TUBGCP3: variants seen among roughly 807,000 people sequenced by gnomAD.
TUBGCP3 encodes tubulin gamma complex component 3.
TUBGCP3 carries 50 observed loss-of-function variants against 123.1 expected under a neutral mutation model. The ratio of observed to expected loss-of-function variants is 0.41; its 90% CI spans 0.32 to 0.51. The LOEUF is 0.51. Ranked by LOEUF, TUBGCP3 falls within the 20% of genes least tolerant of loss-of-function variation. The probability of loss-of-function intolerance (pLI) is 0.36; values close to 1 mark genes in which losing one functional copy is unlikely to be tolerated. For missense variants in TUBGCP3, 882 were observed against 1,127.0 expected, an observed-to-expected ratio of 0.78 and a Z score of 3.11; for synonymous variants, 405 against 413.9, an observed-to-expected ratio of 0.98 and a Z score of 0.26.
At chr13:112,502,491 G>A (rs1880982244) in intron 19 of TUBGCP3, among the ~76,000 whole-genome samples, 1 of 151,950 alleles carries the variant, frequency 6.6e-6, no homozygotes, top group South Asian at 2.1e-4. Flanking sequence ...ACAAGACCAG[G>A]GTTAGTAATA....
chr13:112,505,110 A>C (rs1396443059), intron 17 of TUBGCP3, among the ~76,000 whole-genome samples: 1 of 152,112 alleles, frequency 6.6e-6, no homozygotes, highest in African/African-American at 2.4e-5. Context: ...GGCTCTCTGG[A>C]GATAAAGGTG....
intron 8 of TUBGCP3, among the ~76,000 whole-genome samples, chr13:112,548,886 G>A (rs1414070208): frequency 6.6e-6 from 1 of 152,210 alleles, no homozygotes; most frequent in East Asian, 1.9e-4. Context: ...CACTGTTGGT[G>A]GGACTGTAAA....
chr13:112,537,057 G>A (rs1043702318), intron 11 of TUBGCP3, among the ~76,000 whole-genome samples: 2 of 150,634 alleles, frequency 1.3e-5, no homozygotes, highest in African/African-American at 4.9e-5. Context: ...TTACAGCTGT[G>A]AGCCACTGCA....
chr13:112,546,745 C>T (rs1369983170), intron 10 of TUBGCP3: 3 of 152,254 alleles, frequency 2.0e-5, no homozygotes, highest in Non-Finnish European at 2.9e-5. Context: ...GATCCAGTTC[C>T]GGAGAGGTGC....
At chr13:112,487,626 A>C (rs1352658965) in intron 21 of TUBGCP3, among the ~76,000 whole-genome samples, 1 of 152,192 alleles carries the variant, frequency 6.6e-6, no homozygotes, top group Non-Finnish European at 1.5e-5. Flanking sequence ...AAGAAACAGG[A>C]ATACATACTG....
intron 13 of TUBGCP3, among the ~76,000 whole-genome samples, chr13:112,526,235 C>T (rs1444923835): frequency 2.1e-5 from 3 of 144,598 alleles, no homozygotes; most frequent in Non-Finnish European, 3.1e-5. Context: ...CCATCCCCAT[C>T]ATTATCACTA....
chr13:112,488,051 G>A (rs1460999273), intron 21 of TUBGCP3, among the ~76,000 whole-genome samples: 2 of 149,262 alleles, frequency 1.3e-5, no homozygotes, highest in East Asian at 4.0e-4. Context: ...AGCATCGTTT[G>A]AACCCAGGAG....
At chr13:112,564,016 T>A (rs1021658616) in intron 3 of TUBGCP3, among the ~76,000 whole-genome samples, 1 of 152,084 alleles carries the variant, frequency 6.6e-6, no homozygotes, top group African/African-American at 2.4e-5. Context: ...AATAAGCAAA[T>A]CTTTTTAACA....
At chr13:112,538,204 G>T (rs1878226563) in intron 11 of TUBGCP3, among the ~76,000 whole-genome samples, 1 of 152,110 alleles carries the variant, frequency 6.6e-6, no homozygotes, top group Admixed American at 6.5e-5. Context: ...CAAGCATCTT[G>T]GACACCAGCA....
intron 13 of TUBGCP3, among the ~76,000 whole-genome samples, chr13:112,525,973 T>C (rs2139084935): frequency 6.6e-6 from 1 of 152,202 alleles, no homozygotes; most frequent in South Asian, 2.1e-4. Flanking sequence ...TATCAGAGAG[T>C]AATTCTAATA....
At chr13:112,493,925 G>A (rs552352095) in intron 20 of TUBGCP3, among the ~76,000 whole-genome samples, 89 of 150,390 alleles carry the variant, frequency 5.9e-4, no homozygotes, top group African/African-American at 1.8e-3. Context: ...TTCTGGCTAT[G>A]GGAACATGGC....
chr13:112,549,334 T>A (rs1016605314), intron 8 of TUBGCP3, among the ~76,000 whole-genome samples: 1 of 92,964 alleles, frequency 1.1e-5, no homozygotes, highest in Non-Finnish European at 2.1e-5. Flanking sequence ...GGGCCTGTTG[T>A]GGGGTGGGGG....
chr13:112,543,157 A>C (rs1463616277), intron 11 of TUBGCP3, among the ~76,000 whole-genome samples: 1 of 152,236 alleles, frequency 6.6e-6, no homozygotes, highest in African/African-American at 2.4e-5. Flanking sequence ...CTCAAAAAAA[A>C]AGAGTGTGGC....
intron 21 of TUBGCP3, among the ~76,000 whole-genome samples, chr13:112,487,053 A>ATGTGTGTGTGTGTGTG (rs10522089): frequency 1.5e-4 from 22 of 147,506 alleles, no homozygotes; most frequent in African/African-American, 4.0e-4. Context: ...AACACTGTGT[A>ATGTGTGTGTGTGTGTG]TGTGTGTGTG....
upstream of TUBGCP3, among the ~76,000 whole-genome samples, chr13:112,592,664 C>A (rs1882902292): frequency 6.6e-6 from 1 of 152,142 alleles, no homozygotes; most frequent in South Asian, 2.1e-4. The surrounding 1 kb of genome is among the most constrained non-coding windows in gnomAD (Gnocchi z 4.1). Context: ...TCTTCCAGGC[C>A]CCCTGAAAAG....
At chr13:112,576,220 AGGCCTCAAATTGGAAAAACT>A (rs538504513) in intron 1 of TUBGCP3, among the ~76,000 whole-genome samples, 110 of 152,342 alleles carry the variant, frequency 7.2e-4, no homozygotes, top group Non-Finnish European at 1.2e-3. Flanking sequence ...AGGTCAGAAC[AGGCCTCAAATTGGAAAAACT>A]GCTACTCCTT....
At chr13:112,604,342 G>T in the TUBGCP3 span, 23,071 of 152,224 alleles carry the variant, frequency 0.15, 2,040 homozygotes, top group East Asian at 0.21. Flanking sequence ...CTGTCATCCA[G>T]GCTGGAGTGC....
At chr13:112,507,389 C>T (rs1021522431) in intron 17 of TUBGCP3, among the ~76,000 whole-genome samples, 4 of 152,212 alleles carry the variant, frequency 2.6e-5, no homozygotes, top group South Asian at 2.1e-4. Context: ...TCATCCTGAC[C>T]TCCTTCAGAG....
At chr13:112,586,203 G>C (rs1361409351) in intron 1 of TUBGCP3, among the ~76,000 whole-genome samples, 1 of 151,424 alleles carries the variant, frequency 6.6e-6, no homozygotes, top group South Asian at 2.1e-4. Flanking sequence ...TCACACCACT[G>C]CACTCCAGCC....
Sources: allele counts gnomAD v4.1 joint callset (sites outside exome capture counted in the v4.1 genomes callset), GRCh38; gene constraint gnomAD v4.1.1; non-coding constraint Gnocchi (gnomAD v3.1); transcripts MANE v1.5; gene names NCBI Gene and HGNC (gene_info 2026-07-23, HGNC 2026-07-21).